The following TOX2 variants were observed in gnomAD, a reference collection of about 807,000 sequenced individuals.
TOX2 encodes granulosa cell HMG box 1.
TOX2 carries 15 observed loss-of-function variants against 47.4 expected under a neutral mutation model. That is an observed-to-expected ratio of 0.32 (90% CI 0.21 to 0.49). The LOEUF is 0.49. Ranked by LOEUF, TOX2 falls within the 20% of genes least tolerant of loss-of-function variation. The pLI is 0.99. For missense variants in TOX2, 622 were observed against 673.1 expected (o/e 0.92, Z 0.84); for synonymous variants, 290 against 296.6 (o/e 0.98, Z 0.23).
intron 3 of TOX2, among the ~76,000 whole-genome samples, chr20:44,050,909 G>A (rs1297462115): frequency 3.3e-5 from 5 of 152,184 alleles, no homozygotes; most frequent in African/African-American, 4.8e-5. Flanking sequence ...TGTAGTTAGC[G>A]TCGTCCAGCA....
intron 3 of TOX2, among the ~76,000 whole-genome samples, chr20:44,046,697 T>C (rs1265432913): frequency 3.3e-5 from 5 of 152,202 alleles, no homozygotes; most frequent in African/African-American, 7.2e-5. Context: ...GCCAATTCTT[T>C]TGAGATTTTA....
At chr20:43,953,127 A>C (rs1170491193) in intron 1 of TOX2, among the ~76,000 whole-genome samples, 2 of 152,102 alleles carry the variant, frequency 1.3e-5, no homozygotes, top group African/African-American at 4.8e-5. Flanking sequence ...AAGGCAAGGA[A>C]ATGGATTTTC....
chr20:43,967,224 T>G (rs543405271), intron 1 of TOX2, among the ~76,000 whole-genome samples: 1 of 152,242 alleles, frequency 6.6e-6, no homozygotes, highest in East Asian at 1.9e-4. Context: ...GTACATGTTA[T>G]GAGTTCAGTG....
intron 1 of TOX2, among the ~76,000 whole-genome samples, chr20:43,949,196 G>A (rs144615332): frequency 6.6e-6 from 1 of 152,326 alleles, no homozygotes; most frequent in African/African-American, 2.4e-5. Context: ...CCACAAATGT[G>A]GGATCATCTT....
intron 5 of TOX2, among the ~76,000 whole-genome samples, chr20:44,061,766 A>T (rs2071722259): frequency 6.6e-6 from 1 of 152,172 alleles, no homozygotes. Flanking sequence ...CCAATGTTGT[A>T]TCAGAAAGAT....
At chr20:44,008,254 T>C (rs1017874621) in intron 3 of TOX2, among the ~76,000 whole-genome samples, 2 of 151,918 alleles carry the variant, frequency 1.3e-5, no homozygotes, top group Non-Finnish European at 2.9e-5. Context: ...TAAGGAGATA[T>C]ATATCCTTAG....
At position 43,987,305 on chromosome 20, in the gene TOX2, C is replaced by T. The variant is rs1464247050; in HGVS notation, c.165+13873C>T. 2.0e-5 allele frequency among the ~76,000 whole-genome samples: 3 copies of T among 152,114 alleles called. 1 individual carries two copies. In the East Asian group the frequency reaches 5.8e-4, roughly 29 times the overall value. On this transcript the variant is annotated intron_variant, in intron 2 of 8. Transcript: ENST00000341197. ...TCTAGACAATGCCATTTACATACAGCACATGAACAGGCAAAACTAATCAAT... is the reference window on the plus strand; with the variant it reads ...TCTAGACAATGCCATTTACATACAGTACATGAACAGGCAAAACTAATCAAT...
At chr20:44,003,590 T>G (rs1425145464) in intron 2 of TOX2, among the ~76,000 whole-genome samples, 2 of 152,152 alleles carry the variant, frequency 1.3e-5, no homozygotes, top group Non-Finnish European at 2.9e-5. Flanking sequence ...ACACAAGAAG[T>G]CAGTTAACTA....
At chr20:43,976,913 T>G (rs566948887) in intron 2 of TOX2, among the ~76,000 whole-genome samples, 2 of 152,230 alleles carry the variant, frequency 1.3e-5, no homozygotes, top group African/African-American at 4.8e-5. Context: ...TTGGGTAAAA[T>G]GAAGCCCTCA....
chr20:43,958,346 C>T lies in TOX2; in HGVS notation c.100-15021C>T, dbSNP rs376419559. On this transcript the variant is annotated intron_variant, in intron 1 of 8. Coordinates refer to ENST00000341197, the MANE Select transcript of TOX2 (RefSeq NM_001098797.2). ...TTTCTTTAGTGGATGTTGATTTTCTCTCTCACATTCTGTACTGTAGCCTAC... is the reference window on the plus strand; with the variant it reads ...TTTCTTTAGTGGATGTTGATTTTCTTTCTCACATTCTGTACTGTAGCCTAC... 1.6e-4 allele frequency among the ~76,000 whole-genome samples: 24 copies of T among 152,294 alleles called. No individual in the cohort carries two copies. The East Asian group carries it at 4.4e-3, about 28-fold the overall frequency.
intron 1 of TOX2, among the ~76,000 whole-genome samples, chr20:43,933,270 T>G (rs1253035662): frequency 6.6e-6 from 1 of 152,212 alleles, no homozygotes; most frequent in Admixed American, 6.5e-5. Context: ...GCAGATAACA[T>G]GCACATTAGC....
At chr20:44,064,284 C>T (rs1170616138) in intron 5 of TOX2, among the ~76,000 whole-genome samples, 1 of 152,168 alleles carries the variant, frequency 6.6e-6, no homozygotes, top group Admixed American at 6.5e-5. Flanking sequence ...TACCAAAAGC[C>T]ATGGAAACAA....
rs1298858213 is a variant in TOX2, at chr20:44,054,314, A to G, written c.667A>G (p.Arg223Gly). 1.9e-6 allele frequency: 3 copies of G among 1,611,006 alleles called. No homozygotes were observed. Among genetic ancestry groups the G allele is most frequent in the East Asian group, 2.2e-5 (1 of 44,720 alleles). ...EVHFKISGEK[R>G]PSADPGKKAK... ...ACTCGGGCAGATCTCGGGAGAAAAG[A>G]GACCTTCAGCCGACCCAGGAAAAAA... Residue 223 changes from arginine (R) to glycine (G), a missense_variant, in exon 5 of 9, where the codon AGA becomes GGA. Around this residue, in one of 3 missense-constraint regions of TOX2, gnomAD observed 307 missense variants for 327.3 expected, o/e 0.94. Coordinates refer to ENST00000341197, the MANE Select transcript of TOX2 (RefSeq NM_001098797.2).
intron 2 of TOX2, among the ~76,000 whole-genome samples, chr20:44,005,568 A>C (rs1569086304): frequency 6.6e-6 from 1 of 152,208 alleles, no homozygotes; most frequent in Non-Finnish European, 1.5e-5. Context: ...AATCTATAGA[A>C]AGAATAATAT....
chr20:44,056,985 CTGCAGCCTTG>C (rs1182150097), intron 5 of TOX2, among the ~76,000 whole-genome samples: 2 of 152,210 alleles, frequency 1.3e-5, no homozygotes, highest in African/African-American at 2.4e-5. Context: ...TCATAGCTCA[CTGCAGCCTTG>C]AACTCCTGGG....
chr20:44,004,900 G>T (rs1376430032), intron 2 of TOX2, among the ~76,000 whole-genome samples: 8 of 152,202 alleles, frequency 5.3e-5, no homozygotes, highest in African/African-American at 1.9e-4. Flanking sequence ...ATTTAGCACT[G>T]TAGGTAACAA....
At chr20:44,050,413 CAG>C (rs1569134869) in intron 3 of TOX2, among the ~76,000 whole-genome samples, 3 of 152,090 alleles carry the variant, frequency 2.0e-5, no homozygotes, top group African/African-American at 7.2e-5. Flanking sequence ...GGGAGAAAAA[CAG>C]ATACTTGATG....
At chr20:44,009,887 A>C (rs897141886) in intron 3 of TOX2, among the ~76,000 whole-genome samples, 2 of 152,166 alleles carry the variant, frequency 1.3e-5, no homozygotes, top group Non-Finnish European at 2.9e-5. Context: ...CGCCTTTGGT[A>C]CTGGGGTGAA....
In TOX2 at chr20:43,951,707, G is replaced by GTTGTTT. The variant is rs2069571130; in HGVS notation, c.100-21658_100-21657insGTTTTT. ...TGACCATTACTATTAAACTTATTATGTTTTTTTTTTTTTTTTTTTTTAGAG... is the reference window on the plus strand; with the variant it reads ...TGACCATTACTATTAAACTTATTATGTTGTTTTTTTTTTTTTTTTTTTTTTTTAGAG... On this transcript the variant is annotated intron_variant, in intron 1 of 8. Coordinates refer to ENST00000341197, the MANE Select transcript of TOX2 (RefSeq NM_001098797.2). Among the ~76,000 whole-genome samples the GTTGTTT allele has an allele frequency of 5.4e-5, 3 of 55,098 alleles. 1 individual carries two copies. The highest frequency in any genetic ancestry group is 4.7e-4 in the Admixed American group (2 of 4,244). 36.1% of individuals were successfully genotyped at this position (55,098 alleles called of 152,430 possible). A position where few individuals can be genotyped will look rare whatever the true frequency, so the allele number is the denominator to read the frequency against.
Sources: gnomAD v4.1 joint callset for allele counts (sites outside exome capture counted in the v4.1 genomes callset) on GRCh38, gnomAD v4.1.1 for gene constraint, gnomAD v4.1.1 regional missense constraint, MANE v1.5 for transcripts, NCBI Gene and HGNC (gene_info 2026-07-23, HGNC 2026-07-21) for gene names.